The following MED13 variants were observed in gnomAD, a reference collection of about 807,000 sequenced individuals.
MED13 encodes mediator of RNA polymerase II transcription subunit 13.
A neutral mutation model predicts 225.2 loss-of-function variants in MED13; 23 were observed. The observed-to-expected ratio is 0.10, with a 90% CI of 0.07 to 0.14. MED13 has a LOEUF of 0.14. MED13 is among the 10% of genes least tolerant of loss of function. The pLI, the probability that MED13 is intolerant of heterozygous loss-of-function variation, is 1.00. For synonymous variants in MED13, 942 were observed against 889.2 expected, an observed-to-expected ratio of 1.06 and a Z score of -1.06; for missense variants, 2,197 against 2,594.5, an observed-to-expected ratio of 0.85 and a Z score of 3.33.
In MED13 at chr17:61,944,017, G is replaced by A. The variant is rs56328668; in HGVS notation, c.*2451C>T. On this transcript the variant is annotated 3_prime_UTR_variant, in exon 30 of 30. Transcript: ENST00000397786. ...GCACAAGGCTTAATTTCTCAAATAA[G>A]TCTACTGAGCTTTTCTAATGGTTAT... 5.6e-3 allele frequency: 860 copies of A among 152,634 alleles called. 7 individuals are homozygous for A. The highest frequency in any genetic ancestry group is 0.01 in the Non-Finnish European group (683 of 67,992). The allele number at this position is 152,634 out of a possible 1,614,324, so 9.5% of individuals were successfully genotyped here.
intron 3 of MED13, among the ~76,000 whole-genome samples, chr17:62,044,247 G>A (rs573510056): frequency 8.5e-4 from 129 of 150,984 alleles, no homozygotes; most frequent in Non-Finnish European, 1.3e-3. Flanking sequence ...AAAAAAAATC[G>A]ATGAATTTCT....
At chr17:61,985,379 C>A (rs1277567787) in intron 12 of MED13, among the ~76,000 whole-genome samples, 2 of 152,018 alleles carry the variant, frequency 1.3e-5, no homozygotes, top group African/African-American at 4.8e-5. Flanking sequence ...TAACTTAAAA[C>A]CCAGTAATAA....
intron 5 of MED13, among the ~76,000 whole-genome samples, chr17:62,032,897 C>T (rs2080770117): frequency 6.6e-6 from 1 of 152,162 alleles, no homozygotes; most frequent in Non-Finnish European, 1.5e-5. Context: ...CGCCAGTAAT[C>T]CCAGCACTCT....
At chr17:62,034,078 T>A in intron 4 of MED13, 94 bp from the exon 5 acceptor site, 1 of 1,095,200 alleles carries the variant, frequency 9.1e-7, no homozygotes, top group Non-Finnish European at 1.3e-6. Flanking sequence ...CGTGCAATTA[T>A]AAAAAAGAAA....
intron 21 of MED13, 34 bp from the exon 22 acceptor site, chr17:61,961,813 A>G: frequency 6.3e-7 from 1 of 1,584,916 alleles, no homozygotes. Context: ...CAAATGTTAA[A>G]CTTCCAAAAG....
chr17:61,996,607 T>C (rs2143524667), intron 9 of MED13, among the ~76,000 whole-genome samples: 1 of 152,222 alleles, frequency 6.6e-6, no homozygotes, highest in East Asian at 1.9e-4. Context: ...CTTCCAAATA[T>C]CTGCATGGCC....
rs1476605278 is a variant in MED13, at chr17:62,063,364, TATG to T, written c.67-66_67-64del. On this transcript the variant is annotated intron_variant, in intron 1 of 29. Transcript: ENST00000397786. ...TTCACTCAAAGTCAAAAGTACTCAA[TATG>T]ATGTCTCTTATTTCATTAAGACATT... The T allele has an allele frequency of 2.9e-6, 3 of 1,029,306 alleles. No homozygotes were observed. The Admixed American group carries it at 6.3e-5, about 22-fold the overall frequency. 63.8% of individuals were successfully genotyped at this position (1,029,306 alleles called of 1,614,324 possible).
chr17:61,987,341 G>A (rs914504834), intron 11 of MED13, among the ~76,000 whole-genome samples: 3 of 151,962 alleles, frequency 2.0e-5, no homozygotes, highest in Admixed American at 6.6e-5. Context: ...AGGATGAGAC[G>A]GAGAACTGCT....
intron 28 of MED13, among the ~76,000 whole-genome samples, chr17:61,948,815 G>A (rs931858503): frequency 5.4e-4 from 82 of 151,506 alleles, no homozygotes; most frequent in African/African-American, 1.8e-3. Flanking sequence ...GGCCGGGCGC[G>A]GTGGCTCACG....
At chr17:62,021,134 C>A (rs1197607129) in intron 8 of MED13, among the ~76,000 whole-genome samples, 110 of 140,036 alleles carry the variant, frequency 7.9e-4, no homozygotes, top group African/African-American at 1.8e-3. Context: ...ATCTTTTCCC[C>A]GCCTTTCCCC....
intron 24 of MED13, 120 bp downstream of exon 24, chr17:61,956,219 T>C (rs1341434062): frequency 4.1e-6 from 4 of 987,068 alleles, no homozygotes; most frequent in African/African-American, 3.3e-5. Context: ...CCTAGACATA[T>C]GTGGTTCCTT....
chr17:61,946,799 A>C (rs1216010586), intron 29 of MED13, 118 bp downstream of exon 29: 1 of 1,086,116 alleles, frequency 9.2e-7, no homozygotes, highest in African/African-American at 1.6e-5. Context: ...GTGTTTATCT[A>C]GAGATCCACT....
intron 5 of MED13, 47 bp from the exon 6 acceptor site, chr17:62,031,685 A>G (rs1223920255): frequency 1.5e-6 from 2 of 1,311,210 alleles, no homozygotes; most frequent in Non-Finnish European, 2.0e-6. Flanking sequence ...CTTTGTGACT[A>G]GTGAATTAGT....
chr17:61,958,619 G>C lies in MED13; in HGVS notation c.5481-2138C>G, dbSNP rs565488068. On this transcript the variant is annotated intron_variant, in intron 23 of 29. Coordinates refer to ENST00000397786, the MANE Select transcript of MED13 (RefSeq NM_005121.3). ...CCCAAAGTGCTGGGATTACAGGCGTGAGCCACCATGCGAGGCCTAATTTTT... is the reference window on the plus strand; with the variant it reads ...CCCAAAGTGCTGGGATTACAGGCGTCAGCCACCATGCGAGGCCTAATTTTT... 4.6e-5 allele frequency among the ~76,000 whole-genome samples: 7 copies of C among 152,166 alleles called. No individual in the cohort carries two copies. In the South Asian group the frequency reaches 1.5e-3, roughly 32 times the overall value.
intron 8 of MED13, among the ~76,000 whole-genome samples, chr17:62,023,418 T>C (rs1199283347): frequency 6.6e-6 from 1 of 152,174 alleles, no homozygotes; most frequent in Non-Finnish European, 1.5e-5. Context: ...AGTCTCACCA[T>C]ATCCCAGAAG....
rs777689799 is a variant in MED13, at chr17:61,982,550, G to A, written c.3453C>T (p.Arg1151=). The A allele has an allele frequency of 1.9e-6, 3 of 1,614,110 alleles. No individual in the cohort carries two copies. The highest frequency in any genetic ancestry group is 2.5e-6 in the Non-Finnish European group (3 of 1,180,022). ...CTGCTTCTTTGCCACAGTCTGTATT[G>A]CGTCCTATGATATCTAGTTCATCTT... The part of the protein sequence containing the change: ...FLEDELDIIG[R]NTDCGKEAEK... Residue 1151 remains arginine, a synonymous_variant, in exon 16 of 30, where the codon CGC becomes CGT. Transcript: ENST00000397786.
rs375639450 is a variant in MED13 at position 61,962,763 on chromosome 17, C to T, written c.5053G>A (p.Val1685Ile). 4 of 1,613,720 alleles carry T rather than the reference C, an allele frequency of 2.5e-6. No homozygotes were observed. The highest frequency in any genetic ancestry group is 3.4e-6 in the Non-Finnish European group (4 of 1,179,754). ...TCTATCACTCTTACCTGTACAGAAA[C>T]AGTACTCTTGATATGAGGAGGAAGA... is the stretch of plus-strand genomic sequence containing the variant. ...QTLPPHIKST[V>I]SVQIIPCQYL... The change falls in exon 21 of 30, where the codon GTT (valine) becomes ATT (isoleucine). Residue 1685 changes from valine to isoleucine, a missense_variant. Physicochemically the swap from Val to Ile is conservative, Grantham distance 29. This residue lies in a region of MED13 where 457 missense variants were observed against 442.2 expected (regional missense o/e 1.03). Transcript: ENST00000397786.
chr17:62,063,414 G>C, intron 1 of MED13, 113 bp from the exon 2 acceptor site: 2 of 687,474 alleles, frequency 2.9e-6, no homozygotes, highest in Admixed American at 2.9e-5. Flanking sequence ...ATGTATGCTT[G>C]AGATATTGAC....
At chr17:61,999,004 G>C (rs1453148378) in intron 9 of MED13, among the ~76,000 whole-genome samples, 1 of 147,384 alleles carries the variant, frequency 6.8e-6, no homozygotes, top group African/African-American at 2.5e-5. Flanking sequence ...CACTGTCAAA[G>C]GAAAGCTTTA....
Sources: gnomAD v4.1 joint callset for allele counts (sites outside exome capture counted in the v4.1 genomes callset) on GRCh38, gnomAD v4.1.1 for gene constraint, gnomAD v4.1.1 regional missense constraint, MANE v1.5 for transcripts, NCBI Gene and HGNC (gene_info 2026-07-23, HGNC 2026-07-21) for gene names.